Variants in SYNE1 observed in about 807,000 individuals in gnomAD.
SYNE1 encodes spectrin repeat containing nuclear envelope protein 1.
A neutral mutation model predicts 1,111.0 loss-of-function variants in SYNE1; 616 were observed. That is an observed-to-expected ratio of 0.55 (90% CI 0.52 to 0.59). The LOEUF (loss-of-function observed/expected upper bound fraction) is 0.59. SYNE1 is among the 20% of genes least tolerant of loss of function. The pLI, the probability that SYNE1 is intolerant of heterozygous loss-of-function variation, is 0.00. For synonymous variants in SYNE1, 3,855 were observed against 3,825.8 expected, an observed-to-expected ratio of 1.01 and a Z score of -0.28; for missense variants, 10,006 against 10,417.0, an observed-to-expected ratio of 0.96 and a Z score of 1.72.
At position 152,395,506 on chromosome 6, in the gene SYNE1, T is replaced by TG. The variant is rs747854213; in HGVS notation, c.7712+9dup. The TG allele has an allele frequency of 6.2e-6, 10 of 1,612,498 alleles. 1 individual carries two copies. The South Asian group carries it at 1.1e-4, about 18-fold the overall frequency. ...AGAGGTAAAGGACCTGTTCCATTTC[T>TG]GGACCATACCTTGCAGCCAGCAGTT... On this transcript the variant is annotated intron_variant, in intron 51 of 145. Coordinates refer to ENST00000367255, the MANE Select transcript of SYNE1 (RefSeq NM_182961.4).
chr6:152,364,899 T>A lies in SYNE1; in HGVS notation c.10093A>T (p.Ser3365Cys). ...GIPTIQQQLQ[S>C]VKDMWASLLS... ...AGGGATGCCCACATATCCTTCACAC[T>A]CTGCAGCTGCTGCTGAATAGTGGGA... Residue 3365 changes from serine to cysteine, a missense_variant, in exon 63 of 146, where the codon AGT becomes TGT. This residue lies in a region of SYNE1 where 4,955 missense variants were observed against 5,017.2 expected (regional missense o/e 0.99). Coordinates refer to ENST00000367255, the MANE Select transcript of SYNE1 (RefSeq NM_182961.4). 1 of 1,614,238 alleles carries A rather than the reference T, an allele frequency of 6.2e-7. No homozygotes were observed. Among genetic ancestry groups the A allele is most frequent in the South Asian group, 1.1e-5 (1 of 91,084 alleles).
rs1346788395 is a variant in SYNE1, at chr6:152,180,192, T to C, written c.23404A>G (p.Lys7802Glu). The part of the protein sequence containing the change: ...LCEWLTQMES[K>E]VSQNGDILIE... The stretch of plus-strand genomic sequence containing the variant: ...AGAATGTCTCCATTCTGAGAAACTT[T>C]GCTTTCCATTTGAGTCAACCACTCA... Residue 7802 changes from lysine to glutamate, a missense_variant, in exon 129 of 146, where the codon AAA becomes GAA. Physicochemically the swap from Lys to Glu is moderately conservative, Grantham distance 56. Coordinates refer to ENST00000367255, the MANE Select transcript of SYNE1 (RefSeq NM_182961.4). 1.2e-6 allele frequency: 2 copies of C among 1,614,052 alleles called. No homozygotes were observed. Among genetic ancestry groups the C allele is most frequent in the African/African-American group, 2.7e-5 (2 of 74,954 alleles).
rs140887186 is a variant in SYNE1, at chr6:152,595,863, C to T, written c.67+32402G>A. On this transcript the variant is annotated intron_variant, in intron 3 of 145. Transcript: ENST00000367255. Reference sequence around the variant, plus strand: ...CTATGTTCTCTAAGGTCTAGTCCCACTCTGAAATTCTATGCTATTATGTTT... The same window carrying T: ...CTATGTTCTCTAAGGTCTAGTCCCATTCTGAAATTCTATGCTATTATGTTT... Among the ~76,000 whole-genome samples the T allele has an allele frequency of 3.5e-3, 540 of 152,184 alleles. 5 individuals are homozygous for T. Among genetic ancestry groups the T allele is most frequent in the African/African-American group, 0.012 (515 of 41,524 alleles).
Position 152,256,149 on chromosome 6 carries a change from G to A in SYNE1, c.19105-403C>T, listed in dbSNP as rs368611558. 3.9e-5 allele frequency among the ~76,000 whole-genome samples: 6 copies of A among 152,092 alleles called. No homozygotes were observed. The East Asian group carries it at 5.8e-4, about 15-fold the overall frequency. Reference sequence around the variant, plus strand: ...CAGGAAACAGGATGGGGCCAGGCGCGGTGGCTCGCGCCTGTAATCCCAGCA... The same window carrying A: ...CAGGAAACAGGATGGGGCCAGGCGCAGTGGCTCGCGCCTGTAATCCCAGCA... On this transcript the variant is annotated intron_variant, in intron 102 of 145. Transcript: ENST00000367255.
chr6:152,293,641 T>G lies in SYNE1; in HGVS notation c.17959A>C (p.Ser5987Arg). 6.2e-7 allele frequency: 1 copy of G among 1,614,020 alleles called. No homozygotes were observed. The highest frequency in any genetic ancestry group is 8.5e-7 in the Non-Finnish European group (1 of 1,179,918). ...TKMEAIELKLSESPEPGRSPE... is the reference protein window; with the variant it reads ...TKMEAIELKLRESPEPGRSPE... ...CTCCTGCCAGGCTCTGGGCTCTCACTGAGTTTCAGCTCAATGGCCTCCATC... is the reference window on the plus strand; with the variant it reads ...CTCCTGCCAGGCTCTGGGCTCTCACGGAGTTTCAGCTCAATGGCCTCCATC... Residue 5987 changes from serine to arginine, a missense_variant, in exon 95 of 146, where the codon AGT becomes CGT. Ser to Arg is a moderately radical substitution (Grantham distance 110). Around this residue, in one of 7 missense-constraint regions of SYNE1, gnomAD observed 4,955 missense variants for 5,017.2 expected, o/e 0.99. Coordinates refer to ENST00000367255, the MANE Select transcript of SYNE1 (RefSeq NM_182961.4).
intron 3 of SYNE1, among the ~76,000 whole-genome samples, chr6:152,605,800 G>C (rs1486693692): frequency 6.6e-6 from 1 of 152,032 alleles, no homozygotes; most frequent in Non-Finnish European, 1.5e-5. Context: ...ATTAAGGCTT[G>C]GTGTTTTTGC....
At chr6:152,432,695 A>C (rs1201475384) in intron 34 of SYNE1, among the ~76,000 whole-genome samples, 1 of 152,202 alleles carries the variant, frequency 6.6e-6, no homozygotes, top group African/African-American at 2.4e-5. Flanking sequence ...GTTAATTTTC[A>C]AAAGGGGACA....
chr6:152,464,425 A>G (rs1376838708), intron 18 of SYNE1, among the ~76,000 whole-genome samples: 1 of 152,226 alleles, frequency 6.6e-6, no homozygotes, highest in East Asian at 1.9e-4. Context: ...GGGCACTGCC[A>G]GTCTAATCAG....
At chr6:152,351,219 C>A (rs1313657705) in intron 70 of SYNE1, among the ~76,000 whole-genome samples, 1 of 152,170 alleles carries the variant, frequency 6.6e-6, no homozygotes, top group Non-Finnish European at 1.5e-5. Context: ...CTATTTAAAT[C>A]TATCAAGAAC....
At chr6:152,290,899 G>A (rs1202672316) in intron 95 of SYNE1, among the ~76,000 whole-genome samples, 1 of 151,796 alleles carries the variant, frequency 6.6e-6, no homozygotes, top group Non-Finnish European at 1.5e-5. Context: ...TTTTCATGTG[G>A]GCAGCTGTGT....
chr6:152,440,567 A>ATT (rs10700163), intron 32 of SYNE1, among the ~76,000 whole-genome samples: 2,252 of 122,672 alleles, frequency 0.018, 136 homozygotes, highest in African/African-American at 0.054. Context: ...TTGCCTCCAG[A>ATT]TTTTTTTTTT....
Position 152,269,202 on chromosome 6 carries a change from G to T in SYNE1, c.18658C>A (p.Arg6220Ser), listed in dbSNP as rs201685248. The part of the protein sequence containing the change: ...PGVQEWLAQA[R>S]TTWTQQRQSS... Reference sequence around the variant, plus strand: ...TGCCGCTGCTGGGTCCATGTGGTGCGAGCTTGGGCCAGCCATTCCTGGACG... The same window carrying T: ...TGCCGCTGCTGGGTCCATGTGGTGCTAGCTTGGGCCAGCCATTCCTGGACG... The change falls in exon 99 of 146, where the codon CGC becomes AGC. Residue 6220 changes from arginine to serine, a missense_variant. Physicochemically the swap from Arg to Ser is moderately radical, Grantham distance 110. Transcript: ENST00000367255. The T allele has an allele frequency of 1.0e-4, 167 of 1,614,038 alleles. No individual in the cohort carries two copies. The Middle Eastern group carries it at 1.6e-3, about 16-fold the overall frequency.
At chr6:152,500,799 A>G (rs2099025379) in intron 10 of SYNE1, among the ~76,000 whole-genome samples, 1 of 151,908 alleles carries the variant, frequency 6.6e-6, no homozygotes. Flanking sequence ...AAATACAAAA[A>G]AATTAGCCGG....
intron 53 of SYNE1, among the ~76,000 whole-genome samples, chr6:152,388,833 A>G (rs969278829): frequency 3.9e-5 from 6 of 152,250 alleles, no homozygotes; most frequent in Non-Finnish European, 8.8e-5. Flanking sequence ...TCCTGCATGT[A>G]ACATCTTATT....
At chr6:152,444,223 T>G (rs1314721451) in intron 30 of SYNE1, among the ~76,000 whole-genome samples, 188 bp downstream of exon 30, 7 of 152,236 alleles carry the variant, frequency 4.6e-5, no homozygotes, top group Non-Finnish European at 8.8e-5. Flanking sequence ...CAGAATATCC[T>G]GAAATGTTTA....
At chr6:152,382,643 A>G (rs1400311373) in intron 55 of SYNE1, among the ~76,000 whole-genome samples, 7 of 152,216 alleles carry the variant, frequency 4.6e-5, no homozygotes. Context: ...TAGTGTGTAT[A>G]GTAGTTATTT....
chr6:152,201,173 C>T (rs2075329595), intron 127 of SYNE1, among the ~76,000 whole-genome samples: 1 of 152,010 alleles, frequency 6.6e-6, no homozygotes, highest in African/African-American at 2.4e-5. Context: ...GCTGTTTGGA[C>T]ATTTCACTTG....
At chr6:152,341,391 AGT>A (rs528624988) in intron 74 of SYNE1, among the ~76,000 whole-genome samples, 258 of 152,344 alleles carry the variant, frequency 1.7e-3, no homozygotes, top group Admixed American at 4.6e-3. Context: ...CAGCATATAG[AGT>A]GTTAGTGACC....
chr6:152,631,797 A>G (rs2099698396), intron 2 of SYNE1, among the ~76,000 whole-genome samples: 1 of 152,144 alleles, frequency 6.6e-6, no homozygotes, highest in Non-Finnish European at 1.5e-5. Flanking sequence ...GATGACTCTC[A>G]GGATTTGGGG....
Sources: allele counts gnomAD v4.1 joint callset (sites outside exome capture counted in the v4.1 genomes callset), GRCh38; gene constraint gnomAD v4.1.1; regional missense constraint gnomAD v4.1.1; transcripts MANE v1.5; gene names NCBI Gene and HGNC (gene_info 2026-07-23, HGNC 2026-07-21).